PDGFD: variants seen among roughly 807,000 people sequenced by gnomAD.
PDGFD encodes platelet-derived growth factor D.
PDGFD carries 30 observed loss-of-function variants against 44.7 expected under a neutral mutation model. The ratio of observed to expected loss-of-function variants is 0.67; its 90% CI spans 0.50 to 0.91. The LOEUF is 0.91. Among genes scored for constraint, PDGFD ranks in the 40% least tolerant of loss-of-function variants. The probability of loss-of-function intolerance (pLI) is 0.00; values close to 1 mark genes in which losing one functional copy is unlikely to be tolerated. For missense variants in PDGFD, 445 were observed against 457.8 expected, an observed-to-expected ratio of 0.97 and a Z score of 0.25; for synonymous variants, 173 against 168.4, an observed-to-expected ratio of 1.03 and a Z score of -0.21.
At chr11:104,065,395 T>A (rs189102328) in intron 1 of PDGFD, among the ~76,000 whole-genome samples, 1 of 152,190 alleles carries the variant, frequency 6.6e-6, no homozygotes, top group Non-Finnish European at 1.5e-5. Flanking sequence ...TCTAACCACA[T>A]GCCTTACTAA....
At chr11:104,156,501 G>A (rs967480069) in intron 1 of PDGFD, among the ~76,000 whole-genome samples, 1 of 152,044 alleles carries the variant, frequency 6.6e-6, no homozygotes, top group Admixed American at 6.5e-5. Flanking sequence ...AGTGCTCAAG[G>A]AAAAAATCTA....
intron 1 of PDGFD, among the ~76,000 whole-genome samples, chr11:104,052,702 A>C (rs1194625481): frequency 1.3e-5 from 2 of 152,124 alleles, no homozygotes; most frequent in Non-Finnish European, 2.9e-5. Flanking sequence ...AATTTCATTG[A>C]TTCCCAGAGT....
intron 1 of PDGFD, among the ~76,000 whole-genome samples, chr11:104,119,891 T>TAATTA (rs1389996618): frequency 6.1e-5 from 3 of 48,826 alleles, no homozygotes; most frequent in Non-Finnish European, 1.5e-4. Context: ...ATATAGTACA[T>TAATTA]AATTATATAA....
At chr11:104,092,420 C>CCTA (rs1283480326) in intron 1 of PDGFD, among the ~76,000 whole-genome samples, 2 of 152,060 alleles carry the variant, frequency 1.3e-5, no homozygotes, top group Admixed American at 6.6e-5. Context: ...CAACCGAGGA[C>CCTA]CTACTCCCTC....
chr11:104,118,822 TTATAAATATTAATA>T (rs1565340170), intron 1 of PDGFD, among the ~76,000 whole-genome samples: 4 of 42,080 alleles, frequency 9.5e-5, no homozygotes, highest in East Asian at 4.4e-4. Flanking sequence ...ATATTATATA[TTATAAATATTAATA>T]TATAATATAT....
chr11:103,981,014 T>C (rs934099711), intron 3 of PDGFD, among the ~76,000 whole-genome samples: 1 of 149,184 alleles, frequency 6.7e-6, no homozygotes, highest in Admixed American at 6.6e-5. Flanking sequence ...TCTAACCCTC[T>C]GCTATGTTTC....
chr11:104,083,100 T>C (rs1217474174), intron 1 of PDGFD, among the ~76,000 whole-genome samples: 1 of 152,186 alleles, frequency 6.6e-6, no homozygotes, highest in Non-Finnish European at 1.5e-5. Context: ...AATGCATTGG[T>C]TTCATAACAC....
At position 104,109,744 on chromosome 11, in the gene PDGFD, G is replaced by A. The variant is rs113996758; in HGVS notation, c.124+54060C>T. Among the ~76,000 whole-genome samples the A allele has an allele frequency of 2.8e-3, 419 of 152,002 alleles. 5 individuals carry two copies. The highest frequency in any genetic ancestry group is 9.9e-3 in the African/African-American group (409 of 41,466). On this transcript the variant is annotated intron_variant, in intron 1 of 6. Transcript: ENST00000393158. ...GAGTTATGGTTATATAGAAAGCCAC[G>A]GAGAACTATCTAAGATACATCATTA...
At chr11:103,929,294 A>G (rs1386597531) in intron 5 of PDGFD, among the ~76,000 whole-genome samples, 1 of 152,138 alleles carries the variant, frequency 6.6e-6, no homozygotes, top group Admixed American at 6.5e-5. Context: ...CCATTAGTTG[A>G]AGGAAGAAGA....
intron 3 of PDGFD, among the ~76,000 whole-genome samples, chr11:103,960,222 TTC>T: frequency 6.6e-6 from 1 of 152,322 alleles, no homozygotes; most frequent in East Asian, 1.9e-4. Context: ...ATAAACTGCA[TTC>T]CAGAGTGAAA....
At chr11:104,132,365 CT>C (rs544844653) in intron 1 of PDGFD, among the ~76,000 whole-genome samples, 81 of 151,860 alleles carry the variant, frequency 5.3e-4, no homozygotes, top group Middle Eastern at 3.4e-3. Context: ...ATTATTTTTT[CT>C]TTTTTTTCTG....
chr11:104,036,277 TAA>T (rs376076640), intron 1 of PDGFD, among the ~76,000 whole-genome samples: 1 of 150,428 alleles, frequency 6.6e-6, no homozygotes, highest in Non-Finnish European at 1.5e-5. Context: ...CCAAATCTAT[TAA>T]AAAAAAATAC....
At chr11:103,968,753 A>G (rs1052226081) in intron 3 of PDGFD, among the ~76,000 whole-genome samples, 2 of 152,200 alleles carry the variant, frequency 1.3e-5, no homozygotes, top group African/African-American at 4.8e-5. Context: ...ATCGAAACAT[A>G]CAGCATTATA....
intron 6 of PDGFD, among the ~76,000 whole-genome samples, chr11:103,918,371 T>C (rs1022094200): frequency 6.6e-6 from 1 of 152,308 alleles, no homozygotes; most frequent in East Asian, 1.9e-4. Context: ...ATTTGAGAAC[T>C]AGGGGATGCA....
intron 3 of PDGFD, among the ~76,000 whole-genome samples, chr11:103,972,720 C>T (rs976528275): frequency 6.6e-6 from 1 of 152,150 alleles, no homozygotes; most frequent in African/African-American, 2.4e-5. Flanking sequence ...AATGTCCATA[C>T]TGCTAATACT....
At chr11:104,120,163 G>A (rs1265323094) in intron 1 of PDGFD, among the ~76,000 whole-genome samples, 1 of 150,812 alleles carries the variant, frequency 6.6e-6, no homozygotes, top group African/African-American at 2.4e-5. Context: ...AAATTGCATT[G>A]ATTATTTTTT....
At chr11:104,101,166 C>T (rs1861372241) in intron 1 of PDGFD, among the ~76,000 whole-genome samples, 1 of 152,118 alleles carries the variant, frequency 6.6e-6, no homozygotes, top group African/African-American at 2.4e-5. Context: ...CAAATTGTCC[C>T]TGTTTGCAGA....
chr11:104,069,459 T>G (rs1345716194), intron 1 of PDGFD, among the ~76,000 whole-genome samples: 1 of 152,238 alleles, frequency 6.6e-6, no homozygotes, highest in East Asian at 1.9e-4. Context: ...AATATCTTGT[T>G]AAAAGATATT....
intron 1 of PDGFD, among the ~76,000 whole-genome samples, chr11:104,093,179 G>A (rs1250935341): frequency 6.6e-6 from 1 of 152,028 alleles, no homozygotes; most frequent in Non-Finnish European, 1.5e-5. Context: ...ATTTTTCACT[G>A]GGAATTCTGG....
Sources: gnomAD v4.1 joint callset for allele counts (sites outside exome capture counted in the v4.1 genomes callset) on GRCh38, gnomAD v4.1.1 for gene constraint, MANE v1.5 for transcripts, NCBI Gene and HGNC (gene_info 2026-07-23, HGNC 2026-07-21) for gene names.